ALDH3B1: variants seen among roughly 807,000 people sequenced by gnomAD.
ALDH3B1 encodes aldehyde dehydrogenase 3 family member B1, also known as aldehyde dehydrogenase family 3 member B1.
In ALDH3B1, 37 loss-of-function variants were observed where a neutral mutation model predicts 46.2. That is an observed-to-expected ratio of 0.80 (90% confidence interval 0.62 to 1.05). The LOEUF is 1.05. ALDH3B1 is among the 50% of genes least tolerant of loss of function. ALDH3B1 has a pLI of 0.00. For synonymous variants in ALDH3B1, 283 were observed against 281.0 expected, an observed-to-expected ratio of 1.01 and a Z score of -0.07; for missense variants, 603 against 665.5, an observed-to-expected ratio of 0.91 and a Z score of 1.03.
At chr11:68,019,676 T>G in intron 5 of ALDH3B1, 39 bp from the exon 6 acceptor site, 1 of 1,606,442 alleles carries the variant, frequency 6.2e-7, no homozygotes, top group Non-Finnish European at 8.5e-7. Context: ...TTCTCGGAGC[T>G]GGGGTCCCAG....
At chr11:68,012,939 A>C (rs1394160819) in intron 1 of ALDH3B1, among the ~76,000 whole-genome samples, 4 of 152,058 alleles carry the variant, frequency 2.6e-5, no homozygotes, top group Non-Finnish European at 5.9e-5. Flanking sequence ...GTGGTCCCTC[A>C]GTGGGCGGCC....
chr11:68,019,883 G>C, intron 6 of ALDH3B1, 87 bp downstream of exon 6: 3 of 1,385,974 alleles, frequency 2.2e-6, no homozygotes, highest in Non-Finnish European at 3.0e-6. Flanking sequence ...GAGTCCACAG[G>C]GAGACTGAAT....
In ALDH3B1 at chr11:68,018,540, C is replaced by A; in HGVS notation, c.176C>A (p.Ser59Ter). ...AQDLHKSAFESEVSEVAISQG... is the reference protein window; with the variant it reads ...AQDLHKSAFE The stretch of plus-strand genomic sequence containing the variant: ...CACTTCCTGCAGTCAGCCTTCGAGT[C>A]GGAGGTGTCTGAGGTTGCCATCAGC... Residue 59 changes from serine to a stop codon, truncating the protein, a stop_gained, in exon 3 of 10, where the codon TCG becomes TAG. Coordinates refer to ENST00000342456, the MANE Select transcript of ALDH3B1 (RefSeq NM_000694.4). LOFTEE classifies it high-confidence loss of function. 1 of 1,571,808 alleles carries A rather than the reference C, an allele frequency of 6.4e-7. No homozygotes were observed. The highest frequency in any genetic ancestry group is 8.6e-7 in the Non-Finnish European group (1 of 1,158,454).
chr11:68,012,306 G>A (rs1857249929), intron 1 of ALDH3B1, among the ~76,000 whole-genome samples: 1 of 152,210 alleles, frequency 6.6e-6, no homozygotes, highest in African/African-American at 2.4e-5. Context: ...CGAGCACCCA[G>A]GCTGGCATAG....
At chr11:68,027,676 C>G (rs1367913485) in intron 9 of ALDH3B1, 73 bp from the exon 10 acceptor site, 15 of 1,452,650 alleles carry the variant, frequency 1.0e-5, no homozygotes, top group Non-Finnish European at 9.3e-6. Context: ...GAGAAGTAGC[C>G]CGCCTAGGCC....
chr11:68,026,555 G>A (rs372738079), intron 9 of ALDH3B1, among the ~76,000 whole-genome samples: 61 of 151,534 alleles, frequency 4.0e-4, no homozygotes, highest in African/African-American at 1.4e-3. Context: ...CCCACCCTGA[G>A]AGGCCCGGAT....
intron 4 of ALDH3B1, 69 bp downstream of exon 4, chr11:68,018,962 C>A: frequency 6.6e-7 from 1 of 1,513,180 alleles, no homozygotes; most frequent in Non-Finnish European, 8.8e-7. Context: ...CCATGGATCC[C>A]AGGAGGACAT....
chr11:68,009,674 T>C (rs1191142054), upstream of ALDH3B1, among the ~76,000 whole-genome samples: 1 of 152,250 alleles, frequency 6.6e-6, no homozygotes, highest in African/African-American at 2.4e-5. Context: ...AATTTACAGA[T>C]AACACAAGTA....
chr11:68,026,790 G>A (rs939203114), intron 9 of ALDH3B1, among the ~76,000 whole-genome samples: 2 of 152,224 alleles, frequency 1.3e-5, no homozygotes, highest in Admixed American at 1.3e-4. Context: ...GTGAACGATG[G>A]CAGGGCCAGG....
At chr11:68,013,077 CTG>C (rs1857266857) in intron 1 of ALDH3B1, among the ~76,000 whole-genome samples, 1 of 152,178 alleles carries the variant, frequency 6.6e-6, no homozygotes, top group Admixed American at 6.5e-5. Flanking sequence ...GTTCCCTATT[CTG>C]TGTGTCCACA....
chr11:68,019,630 G>GGGCAGGGTCCA, intron 5 of ALDH3B1, 85 bp from the exon 6 acceptor site: 1 of 1,473,028 alleles, frequency 6.8e-7, no homozygotes, highest in South Asian at 1.2e-5. Flanking sequence ...GGTGGAGGCA[G>GGGCAGGGTCCA]GGCAGGGTCC....
chr11:68,019,306 C>A (rs1854134901), intron 5 of ALDH3B1, 51 bp downstream of exon 5: 2 of 1,533,798 alleles, frequency 1.3e-6, no homozygotes, highest in African/African-American at 2.7e-5. Context: ...GGCTCAAGGG[C>A]TGGGCAGCCC....
rs752005085 is a variant in ALDH3B1, at chr11:68,022,729, C to G, written c.1084C>G (p.Leu362Val). The G allele has an allele frequency of 8.1e-6, 13 of 1,614,042 alleles. No individual in the cohort carries two copies. Among genetic ancestry groups the G allele is most frequent in the Non-Finnish European group, 1.1e-5 (13 of 1,180,022 alleles). Residue 362 changes from leucine (L) to valine (V), a missense_variant, in exon 8 of 10, where the codon CTG (leucine) becomes GTG (valine). Physicochemically the swap from Leu to Val is conservative, Grantham distance 32. Transcript: ENST00000342456. ...GTTCATCAACCGGCGGGAGAAGCCC[C>G]TGGCCCTGTACGCCTTCTCCAACAG... ...IEFINRREKP[L>V]ALYAFSNSSQ...
chr11:68,021,382 C>A, intron 6 of ALDH3B1, 103 bp from the exon 7 acceptor site: 1 of 1,502,924 alleles, frequency 6.7e-7, no homozygotes, highest in South Asian at 1.3e-5. Flanking sequence ...GGCTGCTGCC[C>A]GCTGACTCCA....
Position 68,020,764 on chromosome 11 carries a change from G to A in ALDH3B1, c.563-721G>A, listed in dbSNP as rs139732972. Among the ~76,000 whole-genome samples, 1,290 of 152,320 alleles carry A rather than the reference G, an allele frequency of 8.5e-3. 11 individuals carry two copies. The highest frequency in any genetic ancestry group is 0.013 in the Non-Finnish European group (894 of 68,022). The stretch of plus-strand genomic sequence containing the variant: ...TAGAGAAGGCACAGTGGCTCCTGCC[G>A]GCTTTAATCCTTGACCACAAGGGGG... On this transcript the variant is annotated intron_variant, in intron 6 of 9. Transcript: ENST00000342456.
At position 68,026,062 on chromosome 11, in the gene ALDH3B1, C is replaced by T. The variant is rs200756299; in HGVS notation, c.1170C>T (p.Asp390=). ...QTSSGGFCGN[D]GFMHMTLASL... ...GCAGCGGGGGCTTCTGTGGGAACGA[C>T]GGCTTCATGCACATGACCCTGGCCA... Residue 390 remains aspartate, a synonymous_variant, in exon 9 of 10, where the codon GAC becomes GAT. Transcript: ENST00000342456. 305 of 1,609,218 alleles carry T rather than the reference C, an allele frequency of 1.9e-4. No individual in the cohort carries two copies. Among genetic ancestry groups the T allele is most frequent in the Admixed American group, 4.9e-4 (29 of 59,358 alleles).
At chr11:68,011,142 A>T (rs1309467351) in intron 1 of ALDH3B1, among the ~76,000 whole-genome samples, 1 of 152,230 alleles carries the variant, frequency 6.6e-6, no homozygotes, top group Non-Finnish European at 1.5e-5. Flanking sequence ...TTATAGATCA[A>T]ATTGGCTTCT....
At chr11:68,025,300 C>T (rs1008101456) in intron 8 of ALDH3B1, 7 of 152,176 alleles carry the variant, frequency 4.6e-5, no homozygotes, top group African/African-American at 1.4e-4. Context: ...GGGGGCAGTC[C>T]GCTTTCCCCA....
At chr11:68,026,719 G>A (rs1857632227) in intron 9 of ALDH3B1, among the ~76,000 whole-genome samples, 1 of 152,186 alleles carries the variant, frequency 6.6e-6, no homozygotes, top group African/African-American at 2.4e-5. Flanking sequence ...CCTCCTCAGA[G>A]AACAGTAGGC....
Sources: gnomAD v4.1 joint callset for allele counts (sites outside exome capture counted in the v4.1 genomes callset) on GRCh38, gnomAD v4.1.1 for gene constraint, MANE v1.5 for transcripts, NCBI Gene and HGNC (gene_info 2026-07-23, HGNC 2026-07-21) for gene names.